Variants in NFASC observed in about 807,000 individuals in gnomAD.
The protein encoded by NFASC is neurofascin, also known as neurofascin homolog.
Under a neutral mutation model 147.5 loss-of-function variants are expected in NFASC, and 43 were observed. That is an observed-to-expected ratio of 0.29 (90% CI 0.23 to 0.38). The LOEUF is 0.38. Among genes scored for constraint, NFASC ranks in the 10% least tolerant of loss-of-function variants. The pLI, the probability that NFASC is intolerant of heterozygous loss-of-function variation, is 1.00. For synonymous variants in NFASC, 622 were observed against 665.5 expected (o/e 0.93, Z 1.01); for missense variants, 1,320 against 1,689.0 (o/e 0.78, Z 3.83).
At position 204,831,250 on chromosome 1, in the gene NFASC, G is replaced by A. The variant is rs920159279; in HGVS notation, c.-200+2468G>A. 7.2e-5 allele frequency among the ~76,000 whole-genome samples: 11 copies of A among 151,926 alleles called. No homozygotes were observed. In the South Asian group the frequency reaches 1.0e-3, roughly 14 times the overall value. Reference sequence around the variant, plus strand: ...CCTTGTTTGGCATCAGAAAGAGTACGGAGAAATAAACCAAGGCACACGGAG... The same window carrying A: ...CCTTGTTTGGCATCAGAAAGAGTACAGAGAAATAAACCAAGGCACACGGAG... On this transcript the variant is annotated intron_variant, in intron 1 of 29. Coordinates refer to ENST00000339876, the MANE Select transcript of NFASC (RefSeq NM_001005388.3).
intron 1 of NFASC, among the ~76,000 whole-genome samples, chr1:204,871,399 G>A (rs1233933794): frequency 6.6e-6 from 1 of 152,188 alleles, no homozygotes; most frequent in Non-Finnish European, 1.5e-5. Context: ...GGGCAGGGGA[G>A]CTTTGATTTG....
intron 24 of NFASC, among the ~76,000 whole-genome samples, chr1:204,996,049 C>T (rs1305700702): frequency 6.6e-6 from 1 of 152,080 alleles, no homozygotes; most frequent in African/African-American, 2.4e-5. Flanking sequence ...GCCTCATTCT[C>T]ATACTCTCAG....
At chr1:204,963,375 C>G (rs2150148370) in intron 8 of NFASC, among the ~76,000 whole-genome samples, 1 of 152,174 alleles carries the variant, frequency 6.6e-6, no homozygotes, top group East Asian at 1.9e-4. Context: ...AATCGGATTC[C>G]AGGTAATCTG....
intron 1 of NFASC, among the ~76,000 whole-genome samples, chr1:204,872,943 C>G (rs1303698233): frequency 1.3e-5 from 2 of 152,218 alleles, no homozygotes; most frequent in Admixed American, 1.3e-4. Context: ...AAGCATGTTG[C>G]CTGGTGTCAC....
chr1:204,974,131 G>C (rs1225747486), intron 12 of NFASC, 48 bp from the exon 13 acceptor site: 8 of 1,475,588 alleles, frequency 5.4e-6, no homozygotes, highest in Non-Finnish European at 7.5e-6. Flanking sequence ...GGGAAGAGAT[G>C]GAAGAGTTTA....
intron 2 of NFASC, among the ~76,000 whole-genome samples, chr1:204,927,434 A>T (rs970929931): frequency 2.6e-5 from 4 of 152,080 alleles, no homozygotes; most frequent in Admixed American, 6.5e-5. Flanking sequence ...CTCTGTGTAG[A>T]TATACTGCAT....
At chr1:204,996,245 A>C (rs962922290) in intron 24 of NFASC, among the ~76,000 whole-genome samples, 2 of 152,158 alleles carry the variant, frequency 1.3e-5, no homozygotes, top group African/African-American at 4.8e-5. Context: ...AGATCTGAAC[A>C]ATTCTGTGCC....
At chr1:204,871,159 G>A (rs951270729) in intron 1 of NFASC, 4 of 1,186,318 alleles carry the variant, frequency 3.4e-6, no homozygotes, top group Admixed American at 4.8e-5. Flanking sequence ...GAAGCGGTGT[G>A]TGCTAGGATT....
intron 1 of NFASC, among the ~76,000 whole-genome samples, chr1:204,846,031 T>C (rs1676939866): frequency 1.3e-5 from 2 of 151,890 alleles, no homozygotes; most frequent in Admixed American, 1.3e-4. Flanking sequence ...GGACAAAGGA[T>C]GGAAGGAGGA....
chr1:204,861,078 CTTTTTTTTTTTTTTTTT>C (rs1162020795), intron 1 of NFASC, among the ~76,000 whole-genome samples: 1 of 68,948 alleles, frequency 1.5e-5, no homozygotes, highest in African/African-American at 8.1e-5. Flanking sequence ...ACTTGCTTTC[CTTTTTTTTTTTTTTTTT>C]TTTTTTTTTT....
At chr1:204,893,663 G>A (rs543748359) in intron 1 of NFASC, among the ~76,000 whole-genome samples, 1 of 152,276 alleles carries the variant, frequency 6.6e-6, no homozygotes, top group Non-Finnish European at 1.5e-5. Flanking sequence ...AATGTTTGTC[G>A]AATTAGATGA....
intron 1 of NFASC, among the ~76,000 whole-genome samples, chr1:204,839,148 T>C (rs1357766973): frequency 6.6e-6 from 1 of 152,194 alleles, no homozygotes; most frequent in African/African-American, 2.4e-5. Flanking sequence ...CTCAATGTGC[T>C]CATAGTAATC....
intron 1 of NFASC, among the ~76,000 whole-genome samples, chr1:204,866,232 C>A (rs1413025307): frequency 6.6e-6 from 1 of 152,190 alleles, no homozygotes; most frequent in Admixed American, 6.5e-5. Flanking sequence ...TATCCTCACA[C>A]TGCCAAACCT....
At chr1:204,964,713 G>A (rs1284160723) in intron 8 of NFASC, among the ~76,000 whole-genome samples, 1 of 152,200 alleles carries the variant, frequency 6.6e-6, no homozygotes, top group African/African-American at 2.4e-5. Context: ...TGAGTCTCTG[G>A]TTCTCAGTTC....
At position 204,963,079 on chromosome 1, in the gene NFASC, C is replaced by T. The variant is rs553199410; in HGVS notation, c.707-5170C>T. Among the ~76,000 whole-genome samples, 5 of 152,204 alleles carry T rather than the reference C, an allele frequency of 3.3e-5. No homozygotes were observed. In the East Asian group the frequency reaches 9.7e-4, roughly 29 times the overall value. On this transcript the variant is annotated intron_variant, in intron 8 of 29. Coordinates refer to ENST00000339876, the MANE Select transcript of NFASC (RefSeq NM_001005388.3). ...GGTCCTCAAGGGACCTCACTGTGGG[C>T]TGAAACAGATAGGAAGTGTCTGCAC...
At chr1:204,839,710 A>T (rs1446854329) in intron 1 of NFASC, among the ~76,000 whole-genome samples, 1 of 152,198 alleles carries the variant, frequency 6.6e-6, no homozygotes, top group Admixed American at 6.5e-5. Flanking sequence ...GGGTAGGGAC[A>T]TTGGGGAAGA....
intron 28 of NFASC, among the ~76,000 whole-genome samples, chr1:205,012,586 C>T (rs1233808126): frequency 6.6e-6 from 1 of 151,934 alleles, no homozygotes; most frequent in Non-Finnish European, 1.5e-5. Context: ...TAAAGAGACC[C>T]CTGGGGCTGA....
chr1:204,883,235 C>A lies in NFASC; in HGVS notation c.-199-37397C>A, dbSNP rs897971395. ...GCACTATAGGCCATAAGGGGCTTGG[C>A]TGAAACACGGCAGCCTGACTGAATA... On this transcript the variant is annotated intron_variant, in intron 1 of 29. Transcript: ENST00000339876. Among the ~76,000 whole-genome samples the A allele has an allele frequency of 3.3e-5, 5 of 152,278 alleles. No homozygotes were observed. In the South Asian group the frequency reaches 1.0e-3, roughly 32 times the overall value.
intron 1 of NFASC, among the ~76,000 whole-genome samples, chr1:204,902,206 G>A (rs1287047904): frequency 2.6e-5 from 4 of 152,132 alleles, no homozygotes; most frequent in Non-Finnish European, 4.4e-5. Context: ...GAGGTGGGAG[G>A]ATTGCTTGAG....
Sources: gnomAD v4.1 joint callset for allele counts (sites outside exome capture counted in the v4.1 genomes callset) on GRCh38, gnomAD v4.1.1 for gene constraint, MANE v1.5 for transcripts, NCBI Gene and HGNC (gene_info 2026-07-23, HGNC 2026-07-21) for gene names.